The following STK40 variants were observed in gnomAD, a reference collection of about 807,000 sequenced individuals.
STK40 encodes serine/threonine-protein kinase 40.
Under a neutral mutation model 47.9 loss-of-function variants are expected in STK40, and 13 were observed. That is an observed-to-expected ratio of 0.27 (90% CI 0.18 to 0.43). STK40 has a LOEUF of 0.43. STK40 is among the 20% of genes least tolerant of loss of function. The pLI is 1.00. For missense variants in STK40, 460 were observed against 595.1 expected, an observed-to-expected ratio of 0.77 and a Z score of 2.36; for synonymous variants, 225 against 243.2, an observed-to-expected ratio of 0.93 and a Z score of 0.69.
chr1:36,377,532 C>CAA (rs746089027), intron 1 of STK40, among the ~76,000 whole-genome samples: 883 of 34,486 alleles, frequency 0.026, 57 homozygotes, highest in African/African-American at 0.058. Flanking sequence ...GACTCCGTCT[C>CAA]AAAAAAAAAA....
At chr1:36,366,900 T>A (rs1179348749) in intron 1 of STK40, among the ~76,000 whole-genome samples, 1 of 151,126 alleles carries the variant, frequency 6.6e-6, no homozygotes, top group Non-Finnish European at 1.5e-5. Flanking sequence ...AATGGCGCAA[T>A]CTCTGCTCAC....
At chr1:36,385,499 T>C (rs926493466) in intron 1 of STK40, among the ~76,000 whole-genome samples, 3 of 152,128 alleles carry the variant, frequency 2.0e-5, no homozygotes, top group Non-Finnish European at 2.9e-5. Flanking sequence ...CGGCGGGGAC[T>C]GAAGCTCCCG....
intron 1 of STK40, chr1:36,367,927 T>C (rs1022007092): frequency 4.1e-6 from 4 of 982,576 alleles, no homozygotes; most frequent in Middle Eastern, 5.2e-4. Context: ...CATGCTCCAG[T>C]TGGAGGTGAA....
At position 36,366,756 on chromosome 1, in the gene STK40, G is replaced by A. The variant is rs147179409; in HGVS notation, c.-8-5416C>T. 8.1e-3 allele frequency among the ~76,000 whole-genome samples: 1,235 copies of A among 152,168 alleles called. 10 individuals carry two copies. Among genetic ancestry groups the A allele is most frequent in the African/African-American group, 0.028 (1,171 of 41,528 alleles). On this transcript the variant is annotated intron_variant, in intron 1 of 10. Coordinates refer to ENST00000373132, the MANE Select transcript of STK40 (RefSeq NM_001282547.2). ...GGCTGGGGTGCATGGTCCACTACTC[G>A]GTGCCCCAGGAACTCAACAGTCCTT...
At chr1:36,370,273 G>A (rs967252598) in intron 1 of STK40, among the ~76,000 whole-genome samples, 1 of 152,242 alleles carries the variant, frequency 6.6e-6, no homozygotes, top group Non-Finnish European at 1.5e-5. Context: ...CCCTGTGCGG[G>A]AGAATCCCCC....
intron 6 of STK40, among the ~76,000 whole-genome samples, chr1:36,352,999 G>C (rs1262338908): frequency 1.3e-5 from 2 of 152,184 alleles, no homozygotes; most frequent in South Asian, 4.1e-4. Flanking sequence ...AGTTGAGATG[G>C]GGCACAAGGC....
In STK40 at chr1:36,358,826, C is replaced by A; in HGVS notation, c.113-4G>T. The A allele has an allele frequency of 1.2e-6, 2 of 1,614,134 alleles. No homozygotes were observed. The highest frequency in any genetic ancestry group is 1.7e-6 in the Non-Finnish European group (2 of 1,180,022). ...GGTGAGTTGCCCAGACGGGGACCTA[C>A]GGCACAGAGAGCTGCTGGTCTACTT... On this transcript the variant is annotated splice_polypyrimidine_tract_variant and splice_region_variant and intron_variant, in intron 2 of 10. Coordinates refer to ENST00000373132, the MANE Select transcript of STK40 (RefSeq NM_001282547.2).
intron 4 of STK40, among the ~76,000 whole-genome samples, chr1:36,356,500 A>G (rs1331501226): frequency 7.3e-6 from 1 of 136,594 alleles, no homozygotes; most frequent in African/African-American, 2.8e-5. Flanking sequence ...CTCTCGGCTC[A>G]CTGCAAGCTC....
intron 1 of STK40, among the ~76,000 whole-genome samples, chr1:36,367,133 C>A (rs1411725434): frequency 2.6e-5 from 4 of 151,910 alleles, no homozygotes; most frequent in Non-Finnish European, 2.9e-5. Context: ...CAGACATGAG[C>A]CACCACACCT....
intron 1 of STK40, among the ~76,000 whole-genome samples, chr1:36,382,661 G>T (rs542347804): frequency 6.6e-6 from 1 of 152,248 alleles, no homozygotes. Context: ...TGATCCCTCA[G>T]GACACTTCTG....
At chr1:36,351,702 G>A (rs938346329) in intron 6 of STK40, among the ~76,000 whole-genome samples, 1 of 119,818 alleles carries the variant, frequency 8.3e-6, no homozygotes, top group East Asian at 2.4e-4. Context: ...CCACGCCGGC[G>A]TATGCAGGGA....
chr1:36,343,246 G>A (rs1646670536), intron 10 of STK40, 118 bp downstream of exon 10: 25 of 1,152,194 alleles, frequency 2.2e-5, no homozygotes, highest in Non-Finnish European at 2.9e-5. Context: ...GGCTGGGGAA[G>A]AAGACCAAGG....
At position 36,341,591 on chromosome 1, in the gene STK40, G is replaced by A; in HGVS notation, c.*164C>T. ...CAATCATCCCAAAAGGTAGCTTCGT[G>A]GTACCTCTGCTGACCCCACGTGTGA... On this transcript the variant is annotated 3_prime_UTR_variant, in exon 11 of 11. Transcript: ENST00000373132. 2 of 737,224 alleles carry A rather than the reference G, an allele frequency of 2.7e-6. No individual in the cohort carries two copies. The highest frequency in any genetic ancestry group is 3.7e-5 in the South Asian group (2 of 53,982). 45.7% of individuals were successfully genotyped at this position (737,224 alleles called of 1,614,324 possible).
At chr1:36,362,564 G>T (rs772731755) in intron 1 of STK40, 3 of 152,186 alleles carry the variant, frequency 2.0e-5, no homozygotes, top group Non-Finnish European at 4.4e-5. Context: ...CCCACCTTAG[G>T]AGTGTAGCCT....
At position 36,341,017 on chromosome 1, in the gene STK40, CAG is replaced by C; in HGVS notation, c.*736_*737del. The C allele has an allele frequency of 6.5e-6, 1 of 152,742 alleles. No individual in the cohort carries two copies. Among genetic ancestry groups the C allele is most frequent in the African/African-American group, 2.4e-5 (1 of 41,472 alleles). 9.5% of individuals were successfully genotyped at this position (152,742 alleles called of 1,614,324 possible). A position where few individuals can be genotyped will look rare whatever the true frequency, so the allele number is the denominator to read the frequency against. On this transcript the variant is annotated 3_prime_UTR_variant, in exon 11 of 11. Transcript: ENST00000373132. Reference sequence around the variant, plus strand: ...TAGAAAGGCCTCCCATCACCGGCAGCAGAGAGGGACTGGTGGGCTGAAAGGGG... The same window carrying C: ...TAGAAAGGCCTCCCATCACCGGCAGCAGAGGGACTGGTGGGCTGAAAGGGG...
At chr1:36,381,740 C>T (rs538869641) in intron 1 of STK40, among the ~76,000 whole-genome samples, 4 of 152,272 alleles carry the variant, frequency 2.6e-5, no homozygotes, top group African/African-American at 7.2e-5. Context: ...CCTCCTGCCT[C>T]GGCCTCCCAA....
chr1:36,374,791 T>C (rs924919806), intron 1 of STK40, among the ~76,000 whole-genome samples: 4 of 152,196 alleles, frequency 2.6e-5, no homozygotes, highest in African/African-American at 9.6e-5. Flanking sequence ...ACTGAGTCAC[T>C]GGCAGGTCTT....
chr1:36,369,076 T>C (rs754481640), intron 1 of STK40, among the ~76,000 whole-genome samples: 1 of 152,190 alleles, frequency 6.6e-6, no homozygotes. Flanking sequence ...GTCTCATATA[T>C]GTTGGGCAGA....
intron 6 of STK40, among the ~76,000 whole-genome samples, chr1:36,351,489 GTC>G (rs1027140640): frequency 6.6e-6 from 1 of 152,108 alleles, no homozygotes; most frequent in Admixed American, 6.5e-5. Context: ...GGAGCAGTGA[GTC>G]TCTCTGCACC....
Sources: allele counts gnomAD v4.1 joint callset (sites outside exome capture counted in the v4.1 genomes callset), GRCh38; gene constraint gnomAD v4.1.1; transcripts MANE v1.5; gene names NCBI Gene and HGNC (gene_info 2026-07-23, HGNC 2026-07-21).